MYT1L: variants seen among roughly 807,000 people sequenced by gnomAD.
MYT1L encodes the protein myelin transcription factor 1 like.
In MYT1L, 12 loss-of-function variants were observed where a neutral mutation model predicts 126.7. The observed-to-expected ratio is 0.09, with a 90% CI of 0.06 to 0.15. MYT1L has a LOEUF of 0.15. MYT1L is among the 10% of genes least tolerant of loss of function. MYT1L has a pLI of 1.00. For synonymous variants in MYT1L, 541 were observed against 604.2 expected, an observed-to-expected ratio of 0.90 and a Z score of 1.53; for missense variants, 979 against 1,585.2, an observed-to-expected ratio of 0.62 and a Z score of 6.49.
chr2:2,285,953 C>T (rs917586991), intron 1 of MYT1L, among the ~76,000 whole-genome samples: 2 of 151,994 alleles, frequency 1.3e-5, no homozygotes, highest in Non-Finnish European at 2.9e-5. Context: ...AAACAATCCT[C>T]CAATTCTTTG....
At chr2:2,117,074 C>A (rs557572407) in intron 3 of MYT1L, among the ~76,000 whole-genome samples, 13 of 152,282 alleles carry the variant, frequency 8.5e-5, no homozygotes, top group African/African-American at 2.9e-4. Context: ...CTGGACCTCT[C>A]CCCCTGCAGA....
chr2:2,230,623 C>A (rs970527186), intron 2 of MYT1L, among the ~76,000 whole-genome samples: 1 of 152,182 alleles, frequency 6.6e-6, no homozygotes, highest in Non-Finnish European at 1.5e-5. Context: ...CCTACCCAGA[C>A]GCCACGCTGT....
chr2:1,800,438 T>G (rs1453043175), intron 23 of MYT1L: 1 of 152,312 alleles, frequency 6.6e-6, no homozygotes, highest in Admixed American at 6.5e-5. Flanking sequence ...TCTGGGGAAG[T>G]AGGTTGGCAT....
chr2:2,071,949 A>C (rs1371465487), intron 3 of MYT1L, among the ~76,000 whole-genome samples: 3 of 152,158 alleles, frequency 2.0e-5, no homozygotes, highest in African/African-American at 7.2e-5. Flanking sequence ...GCACAATTTG[A>C]TTTTGAGATA....
rs562193508 is a variant in MYT1L at position 1,952,378 on chromosome 2, A to T, written c.153-9044T>A. On this transcript the variant is annotated intron_variant, in intron 8 of 24. Coordinates refer to ENST00000647738, the MANE Select transcript of MYT1L (RefSeq NM_001303052.2). ...CCAGAACACTAGTTCTTTTGAACTC[A>T]ATAATGAGAGTAAAGGTACCTCTCG... 1.2e-4 allele frequency among the ~76,000 whole-genome samples: 19 copies of T among 152,298 alleles called. 2 individuals carry two copies. The South Asian group carries it at 3.9e-3, about 32-fold the overall frequency.
intron 23 of MYT1L, among the ~76,000 whole-genome samples, chr2:1,797,740 G>T (rs911718899): frequency 2.0e-5 from 3 of 152,214 alleles, no homozygotes; most frequent in Non-Finnish European, 2.9e-5. Flanking sequence ...TCTTACAACT[G>T]AACAGTGAAA....
chr2:2,259,747 G>A (rs1362781639), intron 2 of MYT1L, among the ~76,000 whole-genome samples: 2 of 152,236 alleles, frequency 1.3e-5, no homozygotes, highest in South Asian at 2.1e-4. Flanking sequence ...GGGTCATCCC[G>A]ACGGCAGATG....
intron 23 of MYT1L, chr2:1,795,645 C>T (rs905309073): frequency 6.6e-6 from 1 of 152,258 alleles, no homozygotes; most frequent in Non-Finnish European, 1.5e-5. Context: ...CCACCTCGGC[C>T]GTCATCAATG....
chr2:2,058,736 A>C (rs561257227), intron 3 of MYT1L, among the ~76,000 whole-genome samples: 1 of 152,342 alleles, frequency 6.6e-6, no homozygotes, highest in East Asian at 1.9e-4. Flanking sequence ...ATTCTGCAAA[A>C]TGATTTTAAA....
intron 2 of MYT1L, among the ~76,000 whole-genome samples, chr2:2,200,942 C>T (rs1178090392): frequency 2.0e-5 from 3 of 152,204 alleles, no homozygotes; most frequent in Non-Finnish European, 2.9e-5. Flanking sequence ...ATATGATCCA[C>T]TTCAAGTAAA....
chr2:2,014,301 G>A (rs965804905), intron 4 of MYT1L, among the ~76,000 whole-genome samples: 3 of 151,188 alleles, frequency 2.0e-5, no homozygotes, highest in African/African-American at 7.3e-5. Context: ...CTTGTGAACC[G>A]CCTTTTGTGG....
intron 18 of MYT1L, among the ~76,000 whole-genome samples, chr2:1,870,044 C>T (rs776374114): frequency 6.7e-5 from 10 of 150,214 alleles, no homozygotes; most frequent in African/African-American, 9.9e-5. Flanking sequence ...TTTTCAGAGC[C>T]GAGAAGTCGA....
At chr2:1,817,558 C>T (rs1371145662) in intron 21 of MYT1L, among the ~76,000 whole-genome samples, 3 of 152,054 alleles carry the variant, frequency 2.0e-5, no homozygotes, top group Middle Eastern at 3.2e-3. Context: ...TCTGTCCAAA[C>T]GCGGCTGTGT....
chr2:2,122,841 G>GTA, intron 3 of MYT1L, among the ~76,000 whole-genome samples: 1 of 108,644 alleles, frequency 9.2e-6, no homozygotes, highest in African/African-American at 4.3e-5. Flanking sequence ...ATAGGAATGT[G>GTA]TGTGTGTGTG....
intron 4 of MYT1L, among the ~76,000 whole-genome samples, chr2:2,013,790 GC>G (rs2064079335): frequency 6.6e-6 from 1 of 152,252 alleles, no homozygotes. Context: ...ACTGAATTCT[GC>G]TAACACAAAG....
At chr2:2,246,897 C>G (rs2094545730) in intron 2 of MYT1L, among the ~76,000 whole-genome samples, 2 of 152,204 alleles carry the variant, frequency 1.3e-5, no homozygotes, top group African/African-American at 4.8e-5. Context: ...AACATGTAGC[C>G]CACAGAGCAT....
chr2:2,018,498 T>A (rs1199776028), intron 4 of MYT1L, among the ~76,000 whole-genome samples: 1 of 152,234 alleles, frequency 6.6e-6, no homozygotes, highest in Non-Finnish European at 1.5e-5. Context: ...CTGGGTCATG[T>A]GCTCCAGTGC....
rs553807812 is a variant in MYT1L, at chr2:2,070,230, T to C, written c.-303-16107A>G. On this transcript the variant is annotated intron_variant, in intron 3 of 24. Transcript: ENST00000647738. ...AGTAAATTTATCATTCTTACCTACT[T>C]TTTTTGCAAAAGGAAAGTTCATATT... Among the ~76,000 whole-genome samples the C allele has an allele frequency of 2.6e-5, 4 of 152,288 alleles. No individual in the cohort carries two copies. In the East Asian group the frequency reaches 7.8e-4, roughly 30 times the overall value.
intron 2 of MYT1L, among the ~76,000 whole-genome samples, chr2:2,211,678 G>A (rs922064902): frequency 1.1e-4 from 16 of 151,628 alleles, no homozygotes; most frequent in Admixed American, 5.3e-4. Flanking sequence ...GGTGGCGGGC[G>A]CCTCTAGTCC....
Sources: allele counts gnomAD v4.1 joint callset (sites outside exome capture counted in the v4.1 genomes callset), GRCh38; gene constraint gnomAD v4.1.1; transcripts MANE v1.5; gene names NCBI Gene and HGNC (gene_info 2026-07-23, HGNC 2026-07-21).